Variants in COL7A1 observed in about 807,000 individuals in gnomAD.
The protein encoded by COL7A1 is collagen alpha-1(VII) chain.
In COL7A1, 296 loss-of-function variants were observed where a neutral mutation model predicts 456.2. The ratio of observed to expected loss-of-function variants is 0.65; its 90% CI spans 0.59 to 0.71. The LOEUF (loss-of-function observed/expected upper bound fraction) is 0.71, where lower values mean the gene tolerates loss of function less well. Among genes scored for constraint, COL7A1 ranks in the 30% least tolerant of loss-of-function variants. The pLI, the probability that COL7A1 is intolerant of heterozygous loss-of-function variation, is 0.00. For synonymous variants in COL7A1, 1,464 were observed against 1,525.9 expected, an observed-to-expected ratio of 0.96 and a Z score of 0.95; for missense variants, 3,441 against 4,017.2, an observed-to-expected ratio of 0.86 and a Z score of 3.88.
chr3:48,580,828 C>T lies in COL7A1; in HGVS notation c.4980+54G>A, dbSNP rs1331144707. On this transcript the variant is annotated intron_variant, in intron 54 of 118. Coordinates refer to ENST00000681320, the MANE Select transcript of COL7A1 (RefSeq NM_000094.4). This position sits in a 1 kb window ranked among gnomAD's most constrained non-coding sequence, Gnocchi z 4.5. ...CCTTACCCCCCTCAGCCTTTCCTAT[C>T]ACCTTCATGCCCACCTCCCATCACC... is the stretch of plus-strand genomic sequence containing the variant. The T allele has an allele frequency of 4.0e-5, 64 of 1,611,336 alleles. No homozygotes were observed. Among genetic ancestry groups the T allele is most frequent in the Non-Finnish European group, 5.4e-5 (64 of 1,177,658 alleles).
In COL7A1 at chr3:48,592,277, G is replaced by A. The variant is rs772038084; in HGVS notation, c.1094-29C>T. On this transcript the variant is annotated intron_variant, in intron 9 of 118. Transcript: ENST00000681320. The surrounding 1 kb of genome is among the most constrained non-coding windows in gnomAD (Gnocchi z 7.6). Reference sequence around the variant, plus strand: ...CATGGGGGACACCAAGGGGCCAGTGGGCCTTGCAGACTCAGGACTCTACAG... The same window carrying A: ...CATGGGGGACACCAAGGGGCCAGTGAGCCTTGCAGACTCAGGACTCTACAG... The A allele has an allele frequency of 1.2e-6, 2 of 1,613,616 alleles. No individual in the cohort carries two copies. Among genetic ancestry groups the A allele is most frequent in the Non-Finnish European group, 1.7e-6 (2 of 1,180,008 alleles).
chr3:48,574,142 G>T lies in COL7A1; in HGVS notation c.6501+120C>A. 7.6e-7 allele frequency: 1 copy of T among 1,318,922 alleles called. No individual in the cohort carries two copies. The highest frequency in any genetic ancestry group is 1.2e-5 in the South Asian group (1 of 84,626). 81.7% of individuals were successfully genotyped at this position (1,318,922 alleles called of 1,614,324 possible). A position where few individuals can be genotyped will look rare whatever the true frequency, so the allele number is the denominator to read the frequency against. The stretch of plus-strand genomic sequence containing the variant: ...AGGCACACACAAGCAGGCACACACA[G>T]AGAGGCACACAGACACAGGTACACA... On this transcript the variant is annotated intron_variant, in intron 80 of 118. Coordinates refer to ENST00000681320, the MANE Select transcript of COL7A1 (RefSeq NM_000094.4). The surrounding 1 kb of genome is among the most constrained non-coding windows in gnomAD (Gnocchi z 5.0).
chr3:48,586,632 G>T lies in COL7A1; in HGVS notation c.3334C>A (p.His1112Asn). 6.2e-7 allele frequency: 1 copy of T among 1,613,628 alleles called. No individual in the cohort carries two copies. The part of the protein sequence containing the change: ...PSPLFPLNGS[H>N]DLGIILQRIR... ...CTTTGCAAGATAATGCCAAGGTCAT[G>T]GGAGCCATTCAGTGGGAACAGTGGG... Residue 1112 changes from histidine (H) to asparagine (N), a missense_variant, in exon 26 of 119, where the codon CAT becomes AAT. Around this residue, in one of 3 missense-constraint regions of COL7A1, gnomAD observed 444 missense variants for 427.6 expected, o/e 1.04. Coordinates refer to ENST00000681320, the MANE Select transcript of COL7A1 (RefSeq NM_000094.4). The surrounding 1 kb of genome is among the most constrained non-coding windows in gnomAD (Gnocchi z 5.1).
chr3:48,586,634 G>A lies in COL7A1; in HGVS notation c.3332C>T (p.Ser1111Phe), dbSNP rs563975515. The change falls in exon 26 of 119, where the codon TCC becomes TTC. Residue 1111 changes from serine to phenylalanine, a missense_variant. Physicochemically the swap from Ser to Phe is radical, Grantham distance 155. Around this residue, in one of 3 missense-constraint regions of COL7A1, gnomAD observed 444 missense variants for 427.6 expected, o/e 1.04. Transcript: ENST00000681320. This position sits in a 1 kb window ranked among gnomAD's most constrained non-coding sequence, Gnocchi z 5.1. The stretch of plus-strand genomic sequence containing the variant: ...TTGCAAGATAATGCCAAGGTCATGG[G>A]AGCCATTCAGTGGGAACAGTGGGGA... ...RPSPLFPLNG[S>F]HDLGIILQRI... 2 of 1,613,592 alleles carry A rather than the reference G, an allele frequency of 1.2e-6. No homozygotes were observed. Among genetic ancestry groups the A allele is most frequent in the Non-Finnish European group, 1.7e-6 (2 of 1,179,972 alleles).
chr3:48,587,842 G>A lies in COL7A1; in HGVS notation c.2808C>T (p.Val936=), dbSNP rs1559424416. ...AGGGCCCTTCTCCAGCTGGCCCTAG[G>A]ACACTCAGCCTCACGCGGTACTGTG... The part of the protein sequence containing the change: ...PATQYRVRLS[V]LGPAGEGPSA... The change falls in exon 22 of 119, where the codon GTC becomes GTT. Residue 936 remains valine, a synonymous_variant. Transcript: ENST00000681320. The surrounding 1 kb of genome is among the most constrained non-coding windows in gnomAD (Gnocchi z 6.1). 4 of 1,613,426 alleles carry A rather than the reference G, an allele frequency of 2.5e-6. No homozygotes were observed. The East Asian group carries it at 8.9e-5, about 36-fold the overall frequency.
At position 48,572,917 on chromosome 3, in the gene COL7A1, G is replaced by A. The variant is rs2044033601; in HGVS notation, c.6776C>T (p.Pro2259Leu). The A allele has an allele frequency of 1.9e-6, 3 of 1,613,774 alleles. No individual in the cohort carries two copies. The South Asian group carries it at 3.3e-5, about 18-fold the overall frequency. Residue 2259 changes from proline (P) to leucine (L), a missense_variant, in exon 87 of 119, where the codon CCA becomes CTA. Transcript: ENST00000681320. This position sits in a 1 kb window ranked among gnomAD's most constrained non-coding sequence, Gnocchi z 4.6. ...TTTTCCACTGGCACCATCTCGACCT[G>A]GGGCTCCCGGCTTCCCTGTCTCCCC... ...QVGETGKPGA[P>L]GRDGASGKDG...
In COL7A1 at chr3:48,576,694, T is replaced by C. The variant is rs770135330; in HGVS notation, c.5682A>G (p.Pro1894=). ...GPQGPPGLPG[P]VGPPGQGFPG... Reference sequence around the variant, plus strand: ...CACTCACCTGGCCAGGAGGGCCCACTGGCCCTGGGAGGCCTGGAGGCCCCT... The same window carrying C: ...CACTCACCTGGCCAGGAGGGCCCACCGGCCCTGGGAGGCCTGGAGGCCCCT... Residue 1894 remains proline (P), a synonymous_variant, in exon 68 of 119, where the codon CCA becomes CCG. Coordinates refer to ENST00000681320, the MANE Select transcript of COL7A1 (RefSeq NM_000094.4). The C allele has an allele frequency of 6.2e-7, 1 of 1,607,934 alleles. No individual in the cohort carries two copies. Among genetic ancestry groups the C allele is most frequent in the South Asian group, 1.1e-5 (1 of 90,230 alleles).
Position 48,579,058 on chromosome 3 carries a change from G to A in COL7A1, c.5389-104C>T, listed in dbSNP as rs61368683. 21,891 of 1,560,312 alleles carry A rather than the reference G, an allele frequency of 0.014. 1,218 individuals are homozygous for A. The African/African-American group carries it at 0.17, about 12-fold the overall frequency. On this transcript the variant is annotated intron_variant, in intron 62 of 118. Coordinates refer to ENST00000681320, the MANE Select transcript of COL7A1 (RefSeq NM_000094.4). The surrounding 1 kb of genome is among the most constrained non-coding windows in gnomAD (Gnocchi z 4.4). The stretch of plus-strand genomic sequence containing the variant: ...GCAAGAACATGCCCCACCCAGGCAG[G>A]GCTCTGGGAGAAGACACAGACAACA...
At position 48,567,819 on chromosome 3, in the gene COL7A1, G is replaced by T. The variant is rs1217606711; in HGVS notation, c.7929+19C>A. On this transcript the variant is annotated intron_variant, in intron 107 of 118. Transcript: ENST00000681320. This position sits in a 1 kb window ranked among gnomAD's most constrained non-coding sequence, Gnocchi z 4.3. Reference sequence around the variant, plus strand: ...AGGCCCCAGGCCACGTAGCCCCCCAGCCCCCATCCCCTCTGTACCTTGTCT... The same window carrying T: ...AGGCCCCAGGCCACGTAGCCCCCCATCCCCCATCCCCTCTGTACCTTGTCT... 2.5e-6 allele frequency: 4 copies of T among 1,613,862 alleles called. No homozygotes were observed. The East Asian group carries it at 6.7e-5, about 27-fold the overall frequency.
At position 48,573,234 on chromosome 3, in the gene COL7A1, G is replaced by GC; in HGVS notation, c.6653dup (p.Leu2219ProfsTer71). The GC allele has an allele frequency of 6.2e-7, 1 of 1,614,108 alleles. No individual in the cohort carries two copies. On this transcript the variant is annotated frameshift_variant and splice_region_variant, in exon 85 of 119. Transcript: ENST00000681320. LOFTEE classifies it high-confidence loss of function. The surrounding 1 kb of genome is among the most constrained non-coding windows in gnomAD (Gnocchi z 5.5). ...CCACAGCTCCAGTAGGTCCAGTCAGGCCCTGGAGGAAGAGAAAGTTCAGGG... is the reference window on the plus strand; with the variant it reads ...CCACAGCTCCAGTAGGTCCAGTCAGGCCCCTGGAGGAAGAGAAAGTTCAGGG...
intron 67 of COL7A1, 37 bp from the exon 68 acceptor site, chr3:48,576,808 C>A: frequency 6.2e-7 from 1 of 1,613,920 alleles, no homozygotes; most frequent in Non-Finnish European, 8.5e-7. Context: ...ACCCTGAGAC[C>A]TCAGAAAAGA....
intron 44 of COL7A1, 23 bp from the exon 45 acceptor site, chr3:48,582,676 C>A: frequency 6.2e-7 from 1 of 1,612,766 alleles, no homozygotes; most frequent in Non-Finnish European, 8.5e-7. Flanking sequence ...AAGGGAAGAG[C>A]TGTGCAGGTG....
Position 48,590,960 on chromosome 3 carries a change from G to T in COL7A1, c.1637-144C>A. ...GTGGGGACCAGAGAGCTGGGATATG[G>T]CTGAAAAAAGTGAGTGCAAGACAAG... On this transcript the variant is annotated intron_variant, in intron 13 of 118. Transcript: ENST00000681320. The surrounding 1 kb of genome is among the most constrained non-coding windows in gnomAD (Gnocchi z 4.6). 1 of 918,984 alleles carries T rather than the reference G, an allele frequency of 1.1e-6. No individual in the cohort carries two copies. The highest frequency in any genetic ancestry group is 1.7e-6 in the Non-Finnish European group (1 of 586,416). 56.9% of individuals were successfully genotyped at this position (918,984 alleles called of 1,614,324 possible). A position where few individuals can be genotyped will look rare whatever the true frequency, so the allele number is the denominator to read the frequency against.
rs993161673 is a variant in COL7A1, at chr3:48,572,112, G to A, written c.7023+15C>T. 4 of 1,613,948 alleles carry A rather than the reference G, an allele frequency of 2.5e-6. No individual in the cohort carries two copies. The highest frequency in any genetic ancestry group is 3.4e-6 in the Non-Finnish European group (4 of 1,179,938). On this transcript the variant is annotated intron_variant, in intron 91 of 118. Transcript: ENST00000681320. This position sits in a 1 kb window ranked among gnomAD's most constrained non-coding sequence, Gnocchi z 4.6. ...CTCTGCTCAGTAGTCAGGCCCCAGG[G>A]CCAACCCACCTCACCTTCTCGCCTC...
At position 48,587,576 on chromosome 3, in the gene COL7A1, G is replaced by A. The variant is rs201488600; in HGVS notation, c.2858-22C>T. The A allele has an allele frequency of 1.7e-5, 28 of 1,613,272 alleles. No homozygotes were observed. The Middle Eastern group carries it at 1.5e-3, about 85-fold the overall frequency. ...GACTCTGAAGGAGGAATGAAAGATC[G>A]AGGATCAGAGGCTGAGTCCTGAGAA... On this transcript the variant is annotated intron_variant, in intron 22 of 118. Transcript: ENST00000681320. The surrounding 1 kb of genome is among the most constrained non-coding windows in gnomAD (Gnocchi z 6.1).
At position 48,564,184 on chromosome 3, in the gene COL7A1, C is replaced by G. The variant is rs1171355477; in HGVS notation, c.*222G>C. On this transcript the variant is annotated 3_prime_UTR_variant, in exon 119 of 119. Transcript: ENST00000681320. This position sits in a 1 kb window ranked among gnomAD's most constrained non-coding sequence, Gnocchi z 6.0. ...CACATCCGCTCACTGCCCACAGCCA[C>G]CCCCCCACAGTGAGTCATCTGCCAG... is the stretch of plus-strand genomic sequence containing the variant. The G allele has an allele frequency of 3.2e-6, 2 of 619,768 alleles. No homozygotes were observed. Among genetic ancestry groups the G allele is most frequent in the Non-Finnish European group, 5.9e-6 (2 of 340,192 alleles). The allele number at this position is 619,768 out of a possible 1,614,324, so 38.4% of individuals were successfully genotyped here.
In COL7A1 at chr3:48,581,510, C is replaced by T; in HGVS notation, c.4783-27G>A. 6.2e-7 allele frequency: 1 copy of T among 1,614,100 alleles called. No homozygotes were observed. The highest frequency in any genetic ancestry group is 8.5e-7 in the Non-Finnish European group (1 of 1,180,000). ...TGAAGGGGACAGAAGGGGGGCAGGA[C>T]TTAGTCAGGGTCCCACCACCTCATC... On this transcript the variant is annotated intron_variant, in intron 50 of 118. Coordinates refer to ENST00000681320, the MANE Select transcript of COL7A1 (RefSeq NM_000094.4). The surrounding 1 kb of genome is among the most constrained non-coding windows in gnomAD (Gnocchi z 5.8).
intron 37 of COL7A1, 69 bp downstream of exon 37, chr3:48,584,229 G>A: frequency 4.5e-6 from 7 of 1,543,572 alleles, no homozygotes; most frequent in Non-Finnish European, 6.2e-6. Context: ...AGAGTAACTG[G>A]CAGGGGTTAT....
chr3:48,579,972 T>C lies in COL7A1; in HGVS notation c.5124+59A>G. The C allele has an allele frequency of 1.2e-6, 2 of 1,612,550 alleles. No individual in the cohort carries two copies. Among genetic ancestry groups the C allele is most frequent in the Non-Finnish European group, 1.7e-6 (2 of 1,178,752 alleles). On this transcript the variant is annotated intron_variant, in intron 57 of 118. Transcript: ENST00000681320. This position sits in a 1 kb window ranked among gnomAD's most constrained non-coding sequence, Gnocchi z 4.4. ...GTGGAAGGAATGAGGGGACATGATG[T>C]GGAGCCAAAGGGGCAAGTGAGAACA...
Sources: gnomAD v4.1 joint callset for allele counts on GRCh38, gnomAD v4.1.1 for gene constraint, gnomAD v4.1.1 regional missense constraint, Gnocchi (gnomAD v3.1) non-coding constraint, MANE v1.5 for transcripts, NCBI Gene and HGNC (gene_info 2026-07-23, HGNC 2026-07-21) for gene names.